ADCK1: variants seen among roughly 807,000 people sequenced by gnomAD.
ADCK1 encodes the protein aarF domain-containing protein kinase 1.
ADCK1 carries 41 observed loss-of-function variants against 52.3 expected under a neutral mutation model. The ratio of observed to expected loss-of-function variants is 0.78; its 90% confidence interval spans 0.61 to 1.02. The LOEUF is 1.02. Among genes scored for constraint, ADCK1 ranks in the 50% least tolerant of loss-of-function variants. The pLI, the probability that ADCK1 is intolerant of heterozygous loss-of-function variation, is 0.00. For synonymous variants in ADCK1, 250 were observed against 274.6 expected (o/e 0.91, Z 0.89); for missense variants, 658 against 679.5 (o/e 0.97, Z 0.35).
chr14:77,900,641 T>A (rs547592268), intron 6 of ADCK1: 1 of 454,780 alleles, frequency 2.2e-6, no homozygotes, highest in South Asian at 1.6e-5. Context: ...TAAGGCCAGA[T>A]GTGGGTGACT....
intron 7 of ADCK1, among the ~76,000 whole-genome samples, chr14:77,919,767 A>G (rs2084007056): frequency 6.6e-6 from 1 of 152,132 alleles, no homozygotes; most frequent in East Asian, 1.9e-4. Flanking sequence ...TTTTTTGATT[A>G]TGGCCATTCT....
At position 77,809,804 on chromosome 14, in the gene ADCK1, G is replaced by C. The variant is rs371503399; in HGVS notation, c.-11-9164G>C. Among the ~76,000 whole-genome samples, 121 of 151,746 alleles carry C rather than the reference G, an allele frequency of 8.0e-4. 1 individual carries two copies. The East Asian group carries it at 0.023, about 28-fold the overall frequency. ...AATCCCAGCACTTTGGGAGGCCAAG[G>C]TGGGAGTATCACCTGAGGCCAGGAG... On this transcript the variant is annotated intron_variant, in intron 1 of 10. Transcript: ENST00000238561.
intron 9 of ADCK1, among the ~76,000 whole-genome samples, chr14:77,928,407 A>G (rs1459854387): frequency 6.6e-6 from 1 of 152,134 alleles, no homozygotes; most frequent in Non-Finnish European, 1.5e-5. Flanking sequence ...GTCACGTGGC[A>G]TGTACTAGGT....
chr14:77,933,604 T>C lies in ADCK1; in HGVS notation c.*213T>C. On this transcript the variant is annotated 3_prime_UTR_variant, in exon 11 of 11. Transcript: ENST00000238561. Reference sequence around the variant, plus strand: ...GCTGAACTGTGGCATAGCTCTCTCTTCTTCTCCAAGAAGACTCAGCAGCCT... The same window carrying C: ...GCTGAACTGTGGCATAGCTCTCTCTCCTTCTCCAAGAAGACTCAGCAGCCT... 1 of 557,506 alleles carries C rather than the reference T, an allele frequency of 1.8e-6. No homozygotes were observed. Among genetic ancestry groups the C allele is most frequent in the African/African-American group, 1.9e-5 (1 of 53,700 alleles). The allele number at this position is 557,506 out of a possible 1,614,324, so 34.5% of individuals were successfully genotyped here.
chr14:77,914,469 G>T (rs1274267753), intron 7 of ADCK1: 2 of 985,328 alleles, frequency 2.0e-6, no homozygotes, highest in African/African-American at 3.5e-5. Flanking sequence ...TTTGCTTTCA[G>T]CAAATGATTT....
chr14:77,847,363 G>A (rs2082192466), intron 3 of ADCK1, among the ~76,000 whole-genome samples: 1 of 152,186 alleles, frequency 6.6e-6, no homozygotes, highest in African/African-American at 2.4e-5. Context: ...TTGAGGTCAG[G>A]CGTTCGAGAT....
rs576143697 is a variant in ADCK1 at position 77,859,360 on chromosome 14, A to G, written c.423+81A>G. Reference sequence around the variant, plus strand: ...CGGCTGAATTCTTGCAGCCTCGACCAGGGTGCTGGGGATCCACCAGTGACA... The same window carrying G: ...CGGCTGAATTCTTGCAGCCTCGACCGGGGTGCTGGGGATCCACCAGTGACA... On this transcript the variant is annotated intron_variant, in intron 4 of 10. Coordinates refer to ENST00000238561, the MANE Select transcript of ADCK1 (RefSeq NM_020421.4). 2.1e-5 allele frequency: 30 copies of G among 1,404,982 alleles called. No individual in the cohort carries two copies. In the South Asian group the frequency reaches 3.8e-4, roughly 18 times the overall value. The allele number at this position is 1,404,982 out of a possible 1,614,324, so 87.0% of individuals were successfully genotyped here.
At chr14:77,802,141 AC>A (rs1239516386) in intron 1 of ADCK1, among the ~76,000 whole-genome samples, 3 of 151,950 alleles carry the variant, frequency 2.0e-5, no homozygotes, top group African/African-American at 7.3e-5. Flanking sequence ...TCCATCACTT[AC>A]CAGCTCCTTG....
chr14:77,814,502 A>G (rs1056017448), intron 1 of ADCK1, among the ~76,000 whole-genome samples: 7 of 151,620 alleles, frequency 4.6e-5, no homozygotes, highest in African/African-American at 1.2e-4. Flanking sequence ...TTGGGAGGCC[A>G]AGGTGGGTGG....
At chr14:77,853,769 G>C (rs893934617) in intron 3 of ADCK1, among the ~76,000 whole-genome samples, 6 of 152,170 alleles carry the variant, frequency 3.9e-5, no homozygotes, top group African/African-American at 1.4e-4. Context: ...TTGGTACTCA[G>C]CTGTATATGC....
intron 6 of ADCK1, among the ~76,000 whole-genome samples, chr14:77,903,113 AAC>A (rs1338151157): frequency 6.6e-6 from 1 of 152,254 alleles, no homozygotes; most frequent in Non-Finnish European, 1.5e-5. Flanking sequence ...TAATAACAAT[AAC>A]ACACATTTTT....
chr14:77,919,878 T>G (rs2084010245), intron 7 of ADCK1, among the ~76,000 whole-genome samples: 1 of 152,252 alleles, frequency 6.6e-6, no homozygotes, highest in African/African-American at 2.4e-5. Flanking sequence ...CATTTGTATA[T>G]CTTCTTTTGA....
At position 77,928,000 on chromosome 14, in the gene ADCK1, C is replaced by T. The variant is rs527764953; in HGVS notation, c.1206+2039C>T. ...GTGGGGTGAGATGAGTGGTGGCGATCATTTAGGAGCCTAGGCCGGGACTCC... is the reference window on the plus strand; with the variant it reads ...GTGGGGTGAGATGAGTGGTGGCGATTATTTAGGAGCCTAGGCCGGGACTCC... On this transcript the variant is annotated intron_variant, in intron 9 of 10. Transcript: ENST00000238561. Among the ~76,000 whole-genome samples the T allele has an allele frequency of 2.6e-5, 4 of 152,234 alleles. No homozygotes were observed. The East Asian group carries it at 7.7e-4, about 29-fold the overall frequency.
At position 77,804,875 on chromosome 14, in the gene ADCK1, A is replaced by G. The variant is rs74063668; in HGVS notation, c.-12+4705A>G. Among the ~76,000 whole-genome samples, 1,266 of 152,254 alleles carry G rather than the reference A, an allele frequency of 8.3e-3. 16 individuals are homozygous for G. Among genetic ancestry groups the G allele is most frequent in the African/African-American group, 0.029 (1,203 of 41,540 alleles). On this transcript the variant is annotated intron_variant, in intron 1 of 10. Coordinates refer to ENST00000238561, the MANE Select transcript of ADCK1 (RefSeq NM_020421.4). The stretch of plus-strand genomic sequence containing the variant: ...ATCCTCTGTGTTTGCCTTGTGCCAC[A>G]ATGCAGAGTTGAGTAGATGCGTCAG...
In ADCK1 at chr14:77,924,589, G is replaced by A. The variant is rs757341706; in HGVS notation, c.991G>A (p.Asp331Asn). 6.2e-7 allele frequency: 1 copy of A among 1,613,482 alleles called. No individual in the cohort carries two copies. The highest frequency in any genetic ancestry group is 2.2e-5 in the East Asian group (1 of 44,886). The change falls in exon 8 of 11, where the codon GAC becomes AAC. Residue 331 changes from aspartate to asparagine, a missense_variant. Transcript: ENST00000238561. ...GGGAAAGGCGGAGATTGTCCTGTTG[G>A]ACCATGGGCTTTACCAGGTAGAAGA... ...GTGKAEIVLL[D>N]HGLYQMLTEE...
chr14:77,919,556 G>A (rs1409618369), intron 7 of ADCK1, among the ~76,000 whole-genome samples: 1 of 152,176 alleles, frequency 6.6e-6, no homozygotes, highest in Non-Finnish European at 1.5e-5. Flanking sequence ...ACATGCATGT[G>A]TGTCTTTTTC....
intron 9 of ADCK1, 42 bp from the exon 10 acceptor site, chr14:77,931,476 C>A: frequency 6.3e-7 from 1 of 1,592,260 alleles, no homozygotes; most frequent in Admixed American, 1.7e-5. Flanking sequence ...GCCCCACTGC[C>A]CATACCAACC....
intron 7 of ADCK1, among the ~76,000 whole-genome samples, chr14:77,913,271 C>T (rs1285314921): frequency 6.6e-6 from 1 of 152,226 alleles, no homozygotes; most frequent in African/African-American, 2.4e-5. Flanking sequence ...CATACTGAAA[C>T]ATGAAGCCAG....
At chr14:77,874,816 A>C (rs1428317341) in intron 4 of ADCK1, among the ~76,000 whole-genome samples, 1 of 152,150 alleles carries the variant, frequency 6.6e-6, no homozygotes, top group Non-Finnish European at 1.5e-5. Context: ...AGCTTTAATA[A>C]CACCTGTGGT....
Sources: allele counts gnomAD v4.1 joint callset (sites outside exome capture counted in the v4.1 genomes callset), GRCh38; gene constraint gnomAD v4.1.1; transcripts MANE v1.5; gene names NCBI Gene and HGNC (gene_info 2026-07-23, HGNC 2026-07-21).